ATP6V1C2: variants seen among roughly 807,000 people sequenced by gnomAD.
The protein encoded by ATP6V1C2 is ATPase H+ transporting V1 subunit C2.
A neutral mutation model predicts 56.8 loss-of-function variants in ATP6V1C2; 45 were observed. That is an observed-to-expected ratio of 0.79 (90% CI 0.62 to 1.02). The LOEUF is 1.02. Ranked by LOEUF, ATP6V1C2 falls within the 50% of genes least tolerant of loss-of-function variation. The pLI, the probability that ATP6V1C2 is intolerant of heterozygous loss-of-function variation, is 0.00. For synonymous variants in ATP6V1C2, 220 were observed against 201.3 expected, an observed-to-expected ratio of 1.09 and a Z score of -0.79; for missense variants, 463 against 519.7, an observed-to-expected ratio of 0.89 and a Z score of 1.06.
chr2:10,757,747 A>G (rs996623302), intron 4 of ATP6V1C2, among the ~76,000 whole-genome samples: 1 of 152,152 alleles, frequency 6.6e-6, no homozygotes, highest in Admixed American at 6.5e-5. Flanking sequence ...CTCTTTCTGC[A>G]TGTGGTCTGC....
At chr2:10,744,671 T>TG (rs1662775742) in intron 3 of ATP6V1C2, among the ~76,000 whole-genome samples, 1 of 135,606 alleles carries the variant, frequency 7.4e-6, no homozygotes, top group Non-Finnish European at 1.6e-5. Flanking sequence ...CTCTTTTTCT[T>TG]TTTTTTTTTT....
At chr2:10,749,054 C>T (rs12467545) in intron 3 of ATP6V1C2, among the ~76,000 whole-genome samples, 27,912 of 145,396 alleles carry the variant, frequency 0.19, 2,977 homozygotes, top group East Asian at 0.37. Flanking sequence ...CACTTGAACC[C>T]GGGAGATGGA....
intron 13 of ATP6V1C2, among the ~76,000 whole-genome samples, chr2:10,782,919 A>C (rs1665474356): frequency 1.3e-5 from 2 of 150,200 alleles, no homozygotes; most frequent in South Asian, 4.2e-4. Context: ...AGTCTGAGGC[A>C]GGCAGTGAGC....
At chr2:10,772,009 G>C in intron 7 of ATP6V1C2, 72 bp downstream of exon 7, 1 of 1,368,240 alleles carries the variant, frequency 7.3e-7, no homozygotes, top group South Asian at 1.2e-5. Flanking sequence ...TTGGTGACTT[G>C]GGCAGTGTGG....
intron 4 of ATP6V1C2, among the ~76,000 whole-genome samples, chr2:10,756,726 A>G (rs150334164): frequency 1.8e-4 from 27 of 152,236 alleles, no homozygotes; most frequent in African/African-American, 6.0e-4. Context: ...TCAAAAAAAG[A>G]AAGAAAGAAA....
At position 10,774,773 on chromosome 2, in the gene ATP6V1C2, G is replaced by A; in HGVS notation, c.639-15G>A. 6 of 1,611,298 alleles carry A rather than the reference G, an allele frequency of 3.7e-6. No homozygotes were observed. The highest frequency in any genetic ancestry group is 5.1e-6 in the Non-Finnish European group (6 of 1,177,424). On this transcript the variant is annotated splice_polypyrimidine_tract_variant and intron_variant, in intron 8 of 13. Transcript: ENST00000272238. ...CTAGCAGTGAGTCCAGCCAACAGAT[G>A]CTTCTCTCCAACAGACTCATTACTG...
chr2:10,772,653 T>C, intron 8 of ATP6V1C2, 43 bp downstream of exon 8: 1 of 1,558,238 alleles, frequency 6.4e-7, no homozygotes, highest in Admixed American at 1.7e-5. Context: ...CTGGGGTACA[T>C]GTGTGGGTGC....
At chr2:10,743,990 AAAAAAAAT>A (rs200073616) in intron 3 of ATP6V1C2, among the ~76,000 whole-genome samples, 130 of 93,128 alleles carry the variant, frequency 1.4e-3, no homozygotes, top group East Asian at 7.4e-3. Context: ...TCAAAAAAAA[AAAAAAAAT>A]AATAATAATA....
intron 4 of ATP6V1C2, among the ~76,000 whole-genome samples, chr2:10,764,013 T>C (rs1195384591): frequency 6.6e-6 from 1 of 152,222 alleles, no homozygotes; most frequent in Admixed American, 6.5e-5. Flanking sequence ...TAGCATATAC[T>C]GAAAAACGCA....
intron 5 of ATP6V1C2, among the ~76,000 whole-genome samples, chr2:10,765,562 G>T (rs910029691): frequency 1.3e-5 from 2 of 152,228 alleles, no homozygotes; most frequent in African/African-American, 4.8e-5. Flanking sequence ...GTAGGGTGGG[G>T]CCAGAAAGCT....
Position 10,780,028 on chromosome 2 carries a change from C to T in ATP6V1C2, c.1061+1359C>T, listed in dbSNP as rs1245244353. On this transcript the variant is annotated intron_variant, in intron 12 of 13. Transcript: ENST00000272238. This position sits in a 1 kb window ranked among gnomAD's most constrained non-coding sequence, Gnocchi z 4.1. ...CCCTGAGACCCTCTGTGTGACCTTC[C>T]GGACCCCTTCCCCGCCTGCACTGAG... Among the ~76,000 whole-genome samples, 2 of 152,114 alleles carry T rather than the reference C, an allele frequency of 1.3e-5. No homozygotes were observed. Among genetic ancestry groups the T allele is most frequent in the Admixed American group, 1.3e-4 (2 of 15,284 alleles).
At chr2:10,742,249 G>A (rs1024033338) in intron 3 of ATP6V1C2, among the ~76,000 whole-genome samples, 4 of 152,058 alleles carry the variant, frequency 2.6e-5, no homozygotes, top group Non-Finnish European at 4.4e-5. Context: ...TCTATCCTGC[G>A]TTTGCTAGAA....
At chr2:10,725,984 G>A (rs774119973) in intron 2 of ATP6V1C2, among the ~76,000 whole-genome samples, 37 of 152,016 alleles carry the variant, frequency 2.4e-4, no homozygotes, top group Admixed American at 4.6e-4. Context: ...GAAGGCTGAG[G>A]CAGGAGAATC....
intron 3 of ATP6V1C2, among the ~76,000 whole-genome samples, chr2:10,734,443 C>T: frequency 6.6e-6 from 1 of 152,150 alleles, no homozygotes; most frequent in African/African-American, 2.4e-5. Flanking sequence ...CTGTCTTTTG[C>T]TTATGATTAG....
intron 3 of ATP6V1C2, among the ~76,000 whole-genome samples, chr2:10,742,408 G>T (rs1019088476): frequency 5.3e-5 from 8 of 152,152 alleles, no homozygotes; most frequent in African/African-American, 1.9e-4. Flanking sequence ...GAAGGGAGCG[G>T]CCTGTGCAGT....
chr2:10,775,138 A>G (rs1233387442), intron 10 of ATP6V1C2, 67 bp downstream of exon 10: 1 of 1,201,430 alleles, frequency 8.3e-7, no homozygotes, highest in Non-Finnish European at 1.2e-6. Context: ...GAGTCCTCCC[A>G]GGTCTCCAGC....
intron 2 of ATP6V1C2, among the ~76,000 whole-genome samples, chr2:10,725,247 C>T (rs1053969542): frequency 6.6e-6 from 1 of 151,706 alleles, no homozygotes; most frequent in African/African-American, 2.4e-5. Context: ...AACCCCATCT[C>T]TACTAAAAAT....
At chr2:10,759,707 G>A (rs1013757128) in intron 4 of ATP6V1C2, among the ~76,000 whole-genome samples, 18 of 152,260 alleles carry the variant, frequency 1.2e-4, no homozygotes, top group South Asian at 2.1e-4. Flanking sequence ...GGCTGGGCAC[G>A]GTGGCTCACG....
At chr2:10,743,750 C>T (rs1025653293) in intron 3 of ATP6V1C2, among the ~76,000 whole-genome samples, 13 of 151,574 alleles carry the variant, frequency 8.6e-5, no homozygotes, top group East Asian at 7.8e-4. Context: ...TTTGGGAGGC[C>T]GAGGTGGGTG....
Sources: allele counts gnomAD v4.1 joint callset (sites outside exome capture counted in the v4.1 genomes callset), GRCh38; gene constraint gnomAD v4.1.1; non-coding constraint Gnocchi (gnomAD v3.1); transcripts MANE v1.5; gene names NCBI Gene and HGNC (gene_info 2026-07-23, HGNC 2026-07-21).